Variants in NRXN1 observed in about 807,000 individuals in gnomAD.
NRXN1 encodes neurexin-1.
In NRXN1, 39 loss-of-function variants were observed where a neutral mutation model predicts 150.9. The ratio of observed to expected loss-of-function variants is 0.26; its 90% confidence interval spans 0.20 to 0.34. The LOEUF (loss-of-function observed/expected upper bound fraction) is 0.34, where lower values mean the gene tolerates loss of function less well. Ranked by LOEUF, NRXN1 falls within the 10% of genes least tolerant of loss-of-function variation. The pLI is 1.00. For missense variants in NRXN1, 1,815 were observed against 1,949.9 expected (o/e 0.93, Z 1.30); for synonymous variants, 924 against 757.0 (o/e 1.22, Z -3.62).
intron 5 of NRXN1, among the ~76,000 whole-genome samples, chr2:50,862,699 C>T (rs892641589): frequency 2.6e-5 from 4 of 152,036 alleles, no homozygotes; most frequent in Admixed American, 1.3e-4. Context: ...TGTGTTAATG[C>T]TAGGCACTTT....
At chr2:50,788,605 C>CAG (rs149877950) in intron 5 of NRXN1, among the ~76,000 whole-genome samples, 15 of 149,350 alleles carry the variant, frequency 1.0e-4, no homozygotes, top group Admixed American at 1.3e-4. Flanking sequence ...GAGAGAGAGA[C>CAG]AGAGAGAGAG....
At chr2:50,468,135 G>T (rs924464374) in intron 16 of NRXN1, among the ~76,000 whole-genome samples, 1 of 151,632 alleles carries the variant, frequency 6.6e-6, no homozygotes, top group African/African-American at 2.4e-5. Flanking sequence ...GACCTGCACA[G>T]CAGAAGAAAA....
chr2:50,896,288 TA>T (rs1681944070), intron 5 of NRXN1, among the ~76,000 whole-genome samples: 1 of 152,160 alleles, frequency 6.6e-6, no homozygotes, highest in Non-Finnish European at 1.5e-5. Flanking sequence ...GCTCATAGCC[TA>T]ATACACACAT....
chr2:50,881,626 C>G (rs1408145157), intron 5 of NRXN1, among the ~76,000 whole-genome samples: 1 of 151,774 alleles, frequency 6.6e-6, no homozygotes, highest in Non-Finnish European at 1.5e-5. Flanking sequence ...AAAGTGAGGT[C>G]TAGACAAGAT....
chr2:50,557,565 A>C (rs969218194), intron 8 of NRXN1, among the ~76,000 whole-genome samples: 1 of 152,168 alleles, frequency 6.6e-6, no homozygotes, highest in South Asian at 2.1e-4. Flanking sequence ...CAAGTTCCTC[A>C]ACCTTGCCAA....
intron 22 of NRXN1, among the ~76,000 whole-genome samples, chr2:49,936,815 T>C (rs1056212548): frequency 7.8e-6 from 1 of 127,468 alleles, no homozygotes; most frequent in African/African-American, 3.1e-5. Flanking sequence ...AAAAAACATA[T>C]GTACACACAC....
At chr2:50,031,374 T>C (rs1452130793) in intron 21 of NRXN1, among the ~76,000 whole-genome samples, 2 of 152,050 alleles carry the variant, frequency 1.3e-5, no homozygotes, top group East Asian at 3.9e-4. Context: ...CAAATGACTA[T>C]ATATCTAAAT....
At chr2:50,373,806 G>T (rs1334537457) in intron 17 of NRXN1, among the ~76,000 whole-genome samples, 1 of 152,048 alleles carries the variant, frequency 6.6e-6, no homozygotes, top group Admixed American at 6.6e-5. Context: ...AAAATCATTT[G>T]CAGGTCTTGG....
chr2:50,350,057 T>G, intron 17 of NRXN1, among the ~76,000 whole-genome samples: 1 of 152,186 alleles, frequency 6.6e-6, no homozygotes, highest in East Asian at 1.9e-4. Flanking sequence ...AACACTGAAT[T>G]AGCAAATACT....
intron 21 of NRXN1, chr2:50,019,168 A>G (rs1240632653): frequency 4.2e-6 from 2 of 471,004 alleles, no homozygotes; most frequent in Non-Finnish European, 8.8e-6. Flanking sequence ...ATCCCTTTGC[A>G]CAATGGAGAA....
At chr2:49,925,877 A>C (rs1669023314) in intron 22 of NRXN1, among the ~76,000 whole-genome samples, 1 of 152,226 alleles carries the variant, frequency 6.6e-6, no homozygotes, top group Non-Finnish European at 1.5e-5. Context: ...GGGGAGCTAA[A>C]ATAATGGCAT....
chr2:50,811,111 T>C (rs17503799), intron 5 of NRXN1, among the ~76,000 whole-genome samples: 16,876 of 152,216 alleles, frequency 0.11, 1,220 homozygotes, highest in East Asian at 0.15. Context: ...TTAAAAATTA[T>C]AGTTGACCTG....
At chr2:50,778,986 A>G (rs188567166) in intron 5 of NRXN1, among the ~76,000 whole-genome samples, 95 of 152,302 alleles carry the variant, frequency 6.2e-4, no homozygotes, top group African/African-American at 1.9e-3. Flanking sequence ...TGCCTTGCCA[A>G]GACTATGTCT....
chr2:49,952,585 T>G (rs555642533), intron 21 of NRXN1, among the ~76,000 whole-genome samples: 2 of 152,222 alleles, frequency 1.3e-5, no homozygotes, highest in East Asian at 3.9e-4. Flanking sequence ...GCCCTCAGTC[T>G]CTGTACCTAA....
chr2:50,298,963 T>C (rs2073896471), intron 17 of NRXN1, among the ~76,000 whole-genome samples: 2 of 152,178 alleles, frequency 1.3e-5, no homozygotes. Flanking sequence ...TGTAATGTCC[T>C]GTCTTCCATA....
chr2:50,505,521 C>G (rs1368081370), intron 13 of NRXN1, among the ~76,000 whole-genome samples: 1 of 152,114 alleles, frequency 6.6e-6, no homozygotes, highest in African/African-American at 2.4e-5. Context: ...CCCAGTTGTC[C>G]AAACTGTGGA....
At chr2:50,586,247 G>A (rs182545928) in intron 8 of NRXN1, among the ~76,000 whole-genome samples, 474 of 152,174 alleles carry the variant, frequency 3.1e-3, no homozygotes, top group Non-Finnish European at 6.0e-3. Context: ...CCTTCTTCAA[G>A]TTTTTGCTCA....
chr2:50,069,678 T>C (rs2152664118), intron 19 of NRXN1, among the ~76,000 whole-genome samples: 1 of 152,180 alleles, frequency 6.6e-6, no homozygotes, highest in South Asian at 2.1e-4. Context: ...ACGTTTCATG[T>C]TTTAAGCTTG....
rs184437060 is a variant in NRXN1 at position 50,185,348 on chromosome 2, G to A, written c.3546+51441C>T. ...TCAGGAGTTAAATCTCCTGGGTTCC[G>A]TTTCCAGATTTAACTTGCTATTACC... On this transcript the variant is annotated intron_variant, in intron 18 of 22. Transcript: ENST00000401669. Among the ~76,000 whole-genome samples the A allele has an allele frequency of 9.4e-4, 143 of 152,066 alleles. 1 individual carries two copies. Among genetic ancestry groups the A allele is most frequent in the African/African-American group, 3.3e-3 (138 of 41,506 alleles).
Sources: allele counts gnomAD v4.1 joint callset (sites outside exome capture counted in the v4.1 genomes callset), GRCh38; gene constraint gnomAD v4.1.1; transcripts MANE v1.5; gene names NCBI Gene and HGNC (gene_info 2026-07-23, HGNC 2026-07-21).